NT5C1B: variants seen among roughly 807,000 people sequenced by gnomAD.
NT5C1B encodes the protein cytosolic 5'-nucleotidase 1B.
NT5C1B carries 44 observed loss-of-function variants against 57.8 expected under a neutral mutation model. The observed-to-expected ratio is 0.76, with a 90% CI of 0.60 to 0.98. The LOEUF is 0.98. NT5C1B is among the 50% of genes least tolerant of loss of function. The probability of loss-of-function intolerance (pLI) is 0.00; values close to 1 mark genes in which losing one functional copy is unlikely to be tolerated. For missense variants in NT5C1B, 742 were observed against 719.5 expected, an observed-to-expected ratio of 1.03 and a Z score of -0.36; for synonymous variants, 284 against 282.6, an observed-to-expected ratio of 1.00 and a Z score of -0.05.
intron 8 of NT5C1B, among the ~76,000 whole-genome samples, chr2:18,569,739 G>A (rs868358349): frequency 1.4e-4 from 21 of 152,074 alleles, no homozygotes; most frequent in African/African-American, 4.6e-4. Context: ...AGGATAAATA[G>A]ATAAATTCTC....
chr2:18,563,822 C>A, exon 9 of NT5C1B: 1 of 1,579,902 alleles, frequency 6.3e-7, no homozygotes, highest in East Asian at 2.3e-5. Flanking sequence ...TTATTAAAGC[C>A]ATAAGCTGCG....
chr2:18,564,005 C>T, exon 9 of NT5C1B: 1 of 1,614,178 alleles, frequency 6.2e-7, no homozygotes, highest in South Asian at 1.1e-5. Flanking sequence ...CCTGAACTGG[C>T]TGCACTCCTA....
chr2:18,576,267 C>T lies in NT5C1B; in HGVS notation c.1246G>A (p.Glu416Lys), dbSNP rs147377645. ...TGCTCCTTGGTAAAATGTTCAGACT[C>T]ATCAGAGAAGAGGACAGCATCCCCA... The change falls in exon 8 of 9, where the codon GAG (glutamate) becomes AAG (lysine). Residue 416 changes from glutamate (E) to lysine (K), a missense_variant. Transcript: ENST00000304081. 481 of 1,613,706 alleles carry T rather than the reference C, an allele frequency of 3.0e-4. 2 individuals carry two copies. Among genetic ancestry groups the T allele is most frequent in the Non-Finnish European group, 8.9e-5 (105 of 1,179,844 alleles).
intron 8 of NT5C1B, among the ~76,000 whole-genome samples, chr2:18,569,757 T>A (rs1664984009): frequency 6.6e-6 from 1 of 152,084 alleles, no homozygotes; most frequent in Non-Finnish European, 1.5e-5. Flanking sequence ...CTCAAATATA[T>A]TTGGAGATTT....
At chr2:18,567,996 T>C (rs905027978) in intron 8 of NT5C1B, among the ~76,000 whole-genome samples, 1 of 149,774 alleles carries the variant, frequency 6.7e-6, no homozygotes, top group African/African-American at 2.5e-5. Flanking sequence ...ATGAGTGAAC[T>C]TGAAGACAGG....
intron 2 of NT5C1B, chr2:18,586,886 G>A: frequency 6.5e-6 from 10 of 1,533,922 alleles, no homozygotes; most frequent in Non-Finnish European, 7.9e-6. Context: ...CAAGAATGAA[G>A]GACCCCCCGG....
chr2:18,576,576 T>C (rs80315658), intron 7 of NT5C1B, among the ~76,000 whole-genome samples, 197 bp downstream of exon 7: 1,947 of 152,300 alleles, frequency 0.013, 36 homozygotes, highest in African/African-American at 0.044. Flanking sequence ...AAATGGATTG[T>C]AGGACAATTA....
intron 6 of NT5C1B, among the ~76,000 whole-genome samples, chr2:18,579,089 G>A (rs887827106): frequency 2.0e-5 from 3 of 152,068 alleles, no homozygotes; most frequent in African/African-American, 7.2e-5. Context: ...ATCCATGGAG[G>A]TGAAAAATCT....
In NT5C1B at chr2:18,582,851, G is replaced by T. The variant is rs1302088955; in HGVS notation, c.1021+17C>A. On this transcript the variant is annotated intron_variant, in intron 6 of 8. Coordinates refer to ENST00000304081, the Ensembl canonical transcript of NT5C1B. ...GAGCGGAGAGCTGGTCTTCCACATG[G>T]TATTTATTTTACTTACCGTAGTGAT... The T allele has an allele frequency of 2.5e-6, 4 of 1,610,502 alleles. No individual in the cohort carries two copies. Among genetic ancestry groups the T allele is most frequent in the Non-Finnish European group, 3.4e-6 (4 of 1,178,328 alleles).
exon 7 of NT5C1B, chr2:18,576,876 G>A (rs146130311): frequency 5.4e-4 from 868 of 1,613,796 alleles, no homozygotes; most frequent in Non-Finnish European, 5.1e-4. Flanking sequence ...CGGTCAGACA[G>A]AAGCGGTCAA....
intron 2 of NT5C1B, 22 bp downstream of exon 2, chr2:18,587,481 T>G (rs1194939918): frequency 6.2e-7 from 1 of 1,603,956 alleles, no homozygotes; most frequent in East Asian, 2.2e-5. Context: ...TTTCCTCACC[T>G]CTGCTACAGA....
At chr2:18,576,351 T>C (rs767774044) in exon 8 of NT5C1B, 1 of 1,612,958 alleles carries the variant, frequency 6.2e-7, no homozygotes, top group Non-Finnish European at 8.5e-7. Flanking sequence ...CCATCAAACA[T>C]TGTCGCAGAG....
intron 8 of NT5C1B, among the ~76,000 whole-genome samples, chr2:18,574,061 A>T (rs1350465738): frequency 6.6e-6 from 1 of 152,176 alleles, no homozygotes; most frequent in East Asian, 1.9e-4. Flanking sequence ...ATATTTGCAA[A>T]CTATACATCT....
At chr2:18,571,637 C>T (rs2148107598) in intron 8 of NT5C1B, among the ~76,000 whole-genome samples, 2 of 147,182 alleles carry the variant, frequency 1.4e-5, no homozygotes, top group African/African-American at 5.0e-5. Context: ...AAATTTTTCC[C>T]CCAGAAATAA....
chr2:18,570,818 T>C (rs1221962953), intron 8 of NT5C1B, among the ~76,000 whole-genome samples: 2 of 152,140 alleles, frequency 1.3e-5, no homozygotes, highest in Non-Finnish European at 2.9e-5. Flanking sequence ...GATTCAGCGA[T>C]ATATGAAAAG....
chr2:18,587,438 C>T, intron 2 of NT5C1B, 65 bp downstream of exon 2: 2 of 1,594,090 alleles, frequency 1.3e-6, no homozygotes, highest in Non-Finnish European at 1.7e-6. Flanking sequence ...TCCCTGCCCC[C>T]TAACATTTTC....
chr2:18,568,004 A>G (rs1664798824), intron 8 of NT5C1B, among the ~76,000 whole-genome samples: 1 of 152,026 alleles, frequency 6.6e-6, no homozygotes, highest in Non-Finnish European at 1.5e-5. Flanking sequence ...ACTTGAAGAC[A>G]GGTCAATAGA....
Position 18,576,095 on chromosome 2 carries a change from A to G in NT5C1B, c.1329+89T>C, listed in dbSNP as rs79571484. The G allele has an allele frequency of 1.1e-3, 1,482 of 1,352,594 alleles. 15 individuals carry two copies. In the African/African-American group the frequency reaches 0.021, roughly 19 times the overall value. 83.8% of individuals were successfully genotyped at this position (1,352,594 alleles called of 1,614,324 possible). A position where few individuals can be genotyped will look rare whatever the true frequency, so the allele number is the denominator to read the frequency against. Reference sequence around the variant, plus strand: ...AGGAGTGCCCTGCCTAGAATAACTTAAACATTCATCAGAATGGACCAATAT... The same window carrying G: ...AGGAGTGCCCTGCCTAGAATAACTTGAACATTCATCAGAATGGACCAATAT... On this transcript the variant is annotated intron_variant, in intron 8 of 8. Coordinates refer to ENST00000304081, the Ensembl canonical transcript of NT5C1B.
At chr2:18,573,368 T>C (rs1038041873) in intron 8 of NT5C1B, among the ~76,000 whole-genome samples, 1 of 152,122 alleles carries the variant, frequency 6.6e-6, no homozygotes, top group South Asian at 2.1e-4. Context: ...TTCACAATTA[T>C]ATATATTTGT....
Sources: gnomAD v4.1 joint callset for allele counts (sites outside exome capture counted in the v4.1 genomes callset) on GRCh38, gnomAD v4.1.1 for gene constraint, MANE v1.5 for transcripts, NCBI Gene and HGNC (gene_info 2026-07-23, HGNC 2026-07-21) for gene names.